LINGO2: variants seen among roughly 807,000 people sequenced by gnomAD.
LINGO2 encodes leucine rich repeat and Ig domain containing 2.
LINGO2 carries 14 observed loss-of-function variants against 30.6 expected under a neutral mutation model. That is an observed-to-expected ratio of 0.46 (90% confidence interval 0.30 to 0.72). The LOEUF (loss-of-function observed/expected upper bound fraction) is 0.72. Ranked by LOEUF, LINGO2 falls within the 30% of genes least tolerant of loss-of-function variation. LINGO2 has a pLI of 0.07. For missense variants in LINGO2, 729 were observed against 751.7 expected, an observed-to-expected ratio of 0.97 and a Z score of 0.35; for synonymous variants, 317 against 288.5, an observed-to-expected ratio of 1.10 and a Z score of -1.00.
chr9:29,161,181 A>C, the LINGO2 span, among the ~76,000 whole-genome samples: 37,927 of 152,142 alleles, frequency 0.25, 4,919 homozygotes, highest in East Asian at 0.44. Context: ...GGCACAAAGC[A>C]GGCTGCCGAG....
At chr9:28,029,615 TAA>T (rs1332939671) in intron 4 of LINGO2, among the ~76,000 whole-genome samples, 1 of 152,136 alleles carries the variant, frequency 6.6e-6, no homozygotes, top group Non-Finnish European at 1.5e-5. Context: ...ATGTCGGATA[TAA>T]AAAGTGACCT....
intron 4 of LINGO2, among the ~76,000 whole-genome samples, chr9:28,149,925 G>A (rs1292448351): frequency 6.1e-5 from 9 of 148,202 alleles, no homozygotes; most frequent in East Asian, 2.1e-4. Context: ...TCCTGTCTGC[G>A]AAGTGAGGAG....
intron 2 of LINGO2, among the ~76,000 whole-genome samples, chr9:28,392,726 G>C (rs908942394): frequency 6.6e-6 from 1 of 152,090 alleles, no homozygotes; most frequent in African/African-American, 2.4e-5. Flanking sequence ...GATTATCTAA[G>C]GGCCCAGCTA....
At chr9:28,677,620 G>A in the LINGO2 span, among the ~76,000 whole-genome samples, 1 of 152,048 alleles carries the variant, frequency 6.6e-6, no homozygotes, top group Non-Finnish European at 1.5e-5. Context: ...CAACTATACT[G>A]TCTAACGCTC....
intron 2 of LINGO2, among the ~76,000 whole-genome samples, chr9:28,411,133 C>G (rs1822744449): frequency 6.8e-6 from 1 of 146,546 alleles, no homozygotes; most frequent in Non-Finnish European, 1.5e-5. Context: ...ATTAGGAGAG[C>G]CTTCTAAACA....
the LINGO2 span, among the ~76,000 whole-genome samples, chr9:29,063,052 G>A: frequency 6.6e-6 from 1 of 152,072 alleles, no homozygotes; most frequent in Non-Finnish European, 1.5e-5. Flanking sequence ...GTTCAGTAAA[G>A]AACAACGTAT....
At chr9:28,914,658 G>A in the LINGO2 span, among the ~76,000 whole-genome samples, 31 of 151,982 alleles carry the variant, frequency 2.0e-4, no homozygotes, top group African/African-American at 7.5e-4. Flanking sequence ...TATACAGAGG[G>A]CCAATTTTTC....
chr9:28,378,844 C>T (rs1821229965), intron 2 of LINGO2, among the ~76,000 whole-genome samples: 1 of 152,134 alleles, frequency 6.6e-6, no homozygotes, highest in Non-Finnish European at 1.5e-5. Flanking sequence ...GAATGCACCT[C>T]AGTTTCTAGA....
At chr9:28,491,658 C>T (rs1029006890) in intron 1 of LINGO2, among the ~76,000 whole-genome samples, 4 of 152,028 alleles carry the variant, frequency 2.6e-5, no homozygotes, top group Non-Finnish European at 4.4e-5. Flanking sequence ...GAAACCTGTG[C>T]CTTTCTTAGG....
At chr9:29,127,653 C>A in the LINGO2 span, among the ~76,000 whole-genome samples, 1 of 151,992 alleles carries the variant, frequency 6.6e-6, no homozygotes, top group Non-Finnish European at 1.5e-5. Flanking sequence ...GCAGCTGTTT[C>A]CTAGTAGATC....
intron 1 of LINGO2, among the ~76,000 whole-genome samples, chr9:28,526,925 T>A (rs966336963): frequency 3.9e-5 from 6 of 152,204 alleles, no homozygotes; most frequent in African/African-American, 1.4e-4. Context: ...CTGGGAGCTA[T>A]CAATATATGT....
chr9:28,833,600 T>C, the LINGO2 span, among the ~76,000 whole-genome samples: 3 of 152,136 alleles, frequency 2.0e-5, no homozygotes, highest in Non-Finnish European at 2.9e-5. Flanking sequence ...CTTTGCCACA[T>C]TCAATGGTAC....
the LINGO2 span, among the ~76,000 whole-genome samples, chr9:29,134,018 G>A: frequency 2.0e-5 from 3 of 152,042 alleles, no homozygotes; most frequent in South Asian, 6.2e-4. Context: ...ATACTTAATA[G>A]CTTTAATCTC....
chr9:28,866,451 T>A, the LINGO2 span, among the ~76,000 whole-genome samples: 1 of 152,060 alleles, frequency 6.6e-6, no homozygotes, highest in Non-Finnish European at 1.5e-5. Context: ...CCACGGGGCA[T>A]ACAAAGTGAT....
chr9:28,122,367 G>C (rs1054542743), intron 4 of LINGO2, among the ~76,000 whole-genome samples: 4 of 152,118 alleles, frequency 2.6e-5, no homozygotes, highest in Non-Finnish European at 5.9e-5. Context: ...CGGATTAGAA[G>C]AAGGAAAATA....
chr9:28,224,200 G>T (rs951288876), intron 4 of LINGO2, among the ~76,000 whole-genome samples: 2 of 152,138 alleles, frequency 1.3e-5, no homozygotes, highest in African/African-American at 4.8e-5. Flanking sequence ...GAGTAGCTGG[G>T]ACTACAGGTG....
chr9:28,209,379 C>T (rs1820515363), intron 4 of LINGO2, among the ~76,000 whole-genome samples: 1 of 151,944 alleles, frequency 6.6e-6, no homozygotes. Flanking sequence ...ACACTTCCCA[C>T]TAGCTCTTAG....
chr9:29,112,888 C>T, the LINGO2 span, among the ~76,000 whole-genome samples: 8 of 152,216 alleles, frequency 5.3e-5, no homozygotes, highest in South Asian at 1.5e-3. Flanking sequence ...TGTATTAACC[C>T]ACTTAATATT....
intron 4 of LINGO2, among the ~76,000 whole-genome samples, chr9:28,019,821 A>G (rs2119349102): frequency 6.6e-6 from 1 of 152,242 alleles, no homozygotes; most frequent in East Asian, 1.9e-4. Flanking sequence ...CACCAATTTA[A>G]CCAACTTGCT....
Sources: gnomAD v4.1 joint callset for allele counts (sites outside exome capture counted in the v4.1 genomes callset) on GRCh38, gnomAD v4.1.1 for gene constraint, MANE v1.5 for transcripts, NCBI Gene and HGNC (gene_info 2026-07-23, HGNC 2026-07-21) for gene names.